Variants in TTC7A observed in about 807,000 individuals in gnomAD.
TTC7A encodes the protein tetratricopeptide repeat domain 7A.
A neutral mutation model predicts 103.7 loss-of-function variants in TTC7A; 110 were observed. That is an observed-to-expected ratio of 1.06 (90% CI 0.91 to 1.24). The LOEUF (loss-of-function observed/expected upper bound fraction) is 1.24, where lower values mean the gene tolerates loss of function less well. TTC7A is among the 50% of genes most tolerant of loss of function. The pLI is 0.00. For synonymous variants in TTC7A, 521 were observed against 467.9 expected, an observed-to-expected ratio of 1.11 and a Z score of -1.47; for missense variants, 1,340 against 1,116.3, an observed-to-expected ratio of 1.20 and a Z score of -2.86.
chr2:46,938,315 T>G (rs973164116), upstream of TTC7A, among the ~76,000 whole-genome samples: 2 of 152,218 alleles, frequency 1.3e-5, no homozygotes, highest in Non-Finnish European at 2.9e-5. Context: ...AATATCAATC[T>G]TAAACTTGAT....
intron 3 of TTC7A, among the ~76,000 whole-genome samples, chr2:46,968,338 T>G (rs1673036355): frequency 6.6e-6 from 1 of 152,212 alleles, no homozygotes; most frequent in Non-Finnish European, 1.5e-5. Context: ...GTTACAACCC[T>G]CCGATGCCTC....
intron 3 of TTC7A, 68 bp downstream of exon 3, chr2:46,957,075 C>A (rs1420750182): frequency 2.2e-5 from 34 of 1,578,062 alleles, no homozygotes; most frequent in Non-Finnish European, 2.6e-5. Context: ...ACTCCCAGGG[C>A]CCTGCTGGGC....
intron 3 of TTC7A, among the ~76,000 whole-genome samples, chr2:46,964,033 C>T (rs1375079758): frequency 6.6e-6 from 1 of 152,174 alleles, no homozygotes; most frequent in Non-Finnish European, 1.5e-5. Flanking sequence ...AGGCAGAGCC[C>T]CAGAGCGCAG....
At position 47,050,011 on chromosome 2, in the gene TTC7A, A is replaced by C; in HGVS notation, c.1982A>C (p.His661Pro). 6.2e-7 allele frequency: 1 copy of C among 1,614,116 alleles called. No homozygotes were observed. Among genetic ancestry groups the C allele is most frequent in the Non-Finnish European group, 8.5e-7 (1 of 1,180,030 alleles). ...ACCATGAAGAAGCAGAGTGGCATGC[A>C]CCTGACTTTGCCTGATGCCCATGAT... ...GLTMKKQSGM[H>P]LTLPDAHDAD... The change falls in exon 17 of 20, where the codon CAC (histidine) becomes CCC (proline). Residue 661 changes from histidine to proline, a missense_variant. Transcript: ENST00000319190.
chr2:47,055,050 C>T (rs1389936882), intron 18 of TTC7A, among the ~76,000 whole-genome samples: 1 of 152,054 alleles, frequency 6.6e-6, no homozygotes, highest in East Asian at 1.9e-4. Flanking sequence ...TACCAAGCAC[C>T]TGTTGAATGG....
intron 18 of TTC7A, among the ~76,000 whole-genome samples, chr2:47,055,761 C>T (rs982228069): frequency 3.3e-5 from 5 of 152,108 alleles, no homozygotes; most frequent in African/African-American, 1.2e-4. Context: ...GGTCTGGTGC[C>T]GGTGCTCTGG....
chr2:46,979,099 C>T lies in TTC7A; in HGVS notation c.764+192C>T, dbSNP rs546730976. Among the ~76,000 whole-genome samples, 5 of 152,198 alleles carry T rather than the reference C, an allele frequency of 3.3e-5. No homozygotes were observed. The East Asian group carries it at 7.7e-4, about 24-fold the overall frequency. On this transcript the variant is annotated intron_variant, in intron 5 of 19. Transcript: ENST00000319190. ...GAGACGTTCTTAGTGGGAAGGGCCA[C>T]GCTTCAGGAAGCCACAGAAGCAATA...
chr2:47,001,859 CAAAAAAAA>C lies in TTC7A; in HGVS notation c.1066-4050_1066-4043del, dbSNP rs397871545. 1.1e-4 allele frequency among the ~76,000 whole-genome samples: 10 copies of C among 90,474 alleles called. No homozygotes were observed. In the South Asian group the frequency reaches 2.8e-3, roughly 25 times the overall value. 59.4% of individuals were successfully genotyped at this position (90,474 alleles called of 152,430 possible). A position where few individuals can be genotyped will look rare whatever the true frequency, so the allele number is the denominator to read the frequency against. ...GGGCAACAAGAGCGAGACTCTGTCTCAAAAAAAAAAAAAAAAAAAAGAGTAATGCATGT... is the reference window on the plus strand; with the variant it reads ...GGGCAACAAGAGCGAGACTCTGTCTCAAAAAAAAAAAAGAGTAATGCATGT... On this transcript the variant is annotated intron_variant, in intron 8 of 19. Transcript: ENST00000319190.
chr2:46,997,361 G>T (rs1284886465), intron 8 of TTC7A, among the ~76,000 whole-genome samples: 2 of 152,168 alleles, frequency 1.3e-5, no homozygotes, highest in Non-Finnish European at 2.9e-5. Context: ...TGGAAACGGG[G>T]TCGTCTGTTA....
intron 9 of TTC7A, among the ~76,000 whole-genome samples, chr2:47,006,277 A>C (rs1677369222): frequency 6.6e-6 from 1 of 152,210 alleles, no homozygotes; most frequent in Admixed American, 6.5e-5. Context: ...AGTGCATGTG[A>C]AAGGCTGAGA....
Position 47,060,935 on chromosome 2 carries a change from G to A in TTC7A, c.2319G>A (p.Thr773=), listed in dbSNP as rs553897092. 5 of 1,613,948 alleles carry A rather than the reference G, an allele frequency of 3.1e-6. No individual in the cohort carries two copies. The highest frequency in any genetic ancestry group is 2.2e-5 in the South Asian group (2 of 91,072). The change falls in exon 19 of 20, where the codon ACG becomes ACA. Residue 773 remains threonine (T), a synonymous_variant. Coordinates refer to ENST00000319190, the MANE Select transcript of TTC7A (RefSeq NM_020458.4). ...AGCAGCTGTACAAGGAGGCGCTCAC[G>A]GTGAACCCAGATGGCGTGCGCATCA... ...EAKQLYKEAL[T]VNPDGVRIMH...
At chr2:46,971,272 G>C (rs890249023) in intron 3 of TTC7A, among the ~76,000 whole-genome samples, 1 of 152,254 alleles carries the variant, frequency 6.6e-6, no homozygotes, top group Non-Finnish European at 1.5e-5. Context: ...GGTTATACCA[G>C]GGAATATCGG....
rs531160226 is a variant in TTC7A at position 46,966,043 on chromosome 2, G to A, written c.518-8930G>A. 2.9e-4 allele frequency among the ~76,000 whole-genome samples: 44 copies of A among 152,120 alleles called. No homozygotes were observed. In the East Asian group the frequency reaches 6.6e-3, roughly 23 times the overall value. On this transcript the variant is annotated intron_variant, in intron 3 of 19. Coordinates refer to ENST00000319190, the MANE Select transcript of TTC7A (RefSeq NM_020458.4). Reference sequence around the variant, plus strand: ...CAGCTCACCGCAACCTCCACCTCCCGGGTTCAAGCAATTCTCCTGCCTCCG... The same window carrying A: ...CAGCTCACCGCAACCTCCACCTCCCAGGTTCAAGCAATTCTCCTGCCTCCG...
At chr2:47,019,915 C>T (rs1261712246) in intron 11 of TTC7A, among the ~76,000 whole-genome samples, 2 of 152,168 alleles carry the variant, frequency 1.3e-5, no homozygotes, top group East Asian at 3.9e-4. Context: ...AAGAAAAGAG[C>T]GTGCTATTTG....
intron 15 of TTC7A, among the ~76,000 whole-genome samples, chr2:47,038,654 C>G (rs1572991884): frequency 2.8e-5 from 2 of 70,678 alleles, no homozygotes; most frequent in Non-Finnish European, 5.1e-5. Flanking sequence ...CCCCACCCAC[C>G]CCCCCGACAC....
At chr2:46,917,860 C>T (rs547958841) in intron 2 of TTC7A, among the ~76,000 whole-genome samples, 1 of 152,348 alleles carries the variant, frequency 6.6e-6, no homozygotes, top group South Asian at 2.1e-4. Context: ...TCTGACACCA[C>T]ACACTCTGGG....
At chr2:46,955,980 G>T (rs1458329686) in intron 2 of TTC7A, among the ~76,000 whole-genome samples, 1 of 152,194 alleles carries the variant, frequency 6.6e-6, no homozygotes, top group Non-Finnish European at 1.5e-5. Flanking sequence ...GAGGCGGGAG[G>T]TTACAAGGAG....
intron 5 of TTC7A, among the ~76,000 whole-genome samples, chr2:46,993,218 TG>T (rs762049453): frequency 6.6e-6 from 1 of 152,164 alleles, no homozygotes; most frequent in Non-Finnish European, 1.5e-5. Context: ...CCCAAGTTGC[TG>T]GGGGGAAAGA....
intron 8 of TTC7A, among the ~76,000 whole-genome samples, chr2:47,003,671 C>G (rs576087358): frequency 1.3e-5 from 2 of 152,204 alleles, no homozygotes; most frequent in East Asian, 1.9e-4. Context: ...TGGCTCCACC[C>G]GCTCCCATCA....
Sources: allele counts gnomAD v4.1 joint callset (sites outside exome capture counted in the v4.1 genomes callset), GRCh38; gene constraint gnomAD v4.1.1; transcripts MANE v1.5; gene names NCBI Gene and HGNC (gene_info 2026-07-23, HGNC 2026-07-21).